SCAPER: variants seen among roughly 807,000 people sequenced by gnomAD.
The protein encoded by SCAPER is S phase cyclin A-associated protein in the endoplasmic reticulum.
In SCAPER, 98 loss-of-function variants were observed where a neutral mutation model predicts 182.2. The observed-to-expected ratio is 0.54, with a 90% confidence interval of 0.46 to 0.64. The LOEUF is 0.64. SCAPER is among the 30% of genes least tolerant of loss of function. SCAPER has a pLI of 0.00. For synonymous variants in SCAPER, 605 were observed against 564.6 expected (o/e 1.07, Z -1.01); for missense variants, 1,432 against 1,690.0 (o/e 0.85, Z 2.68).
At chr15:76,863,420 T>C (rs1022415845) in intron 2 of SCAPER, among the ~76,000 whole-genome samples, 3 of 152,182 alleles carry the variant, frequency 2.0e-5, no homozygotes, top group East Asian at 1.9e-4. Context: ...TGCCCTCCTA[T>C]AGTTCTTGCC....
intron 29 of SCAPER, among the ~76,000 whole-genome samples, chr15:76,371,887 C>T (rs976346291): frequency 6.6e-6 from 1 of 151,676 alleles, no homozygotes; most frequent in Non-Finnish European, 1.5e-5. Flanking sequence ...CACTGCACTC[C>T]AGCCTGGGCA....
At chr15:76,434,002 T>C (rs1596595420) in intron 26 of SCAPER, 76 bp downstream of exon 26, 3 of 1,231,138 alleles carry the variant, frequency 2.4e-6, no homozygotes, top group Middle Eastern at 2.5e-4. Context: ...TGCCATCACA[T>C]GGGCCTTGAG....
rs1441530465 is a variant in SCAPER, at chr15:76,781,889, A to C, written c.773-6772T>G. Among the ~76,000 whole-genome samples the C allele has an allele frequency of 3.3e-5, 5 of 152,290 alleles. No homozygotes were observed. The South Asian group carries it at 8.3e-4, about 25-fold the overall frequency. ...GCCCTAAAAGAGCTCCTGAAGGAAG[A>C]ACTAAACATGGAAAAGAACAACCAG... On this transcript the variant is annotated intron_variant, in intron 8 of 31. Coordinates refer to ENST00000563290, the MANE Select transcript of SCAPER (RefSeq NM_020843.4).
At chr15:76,872,480 T>A (rs144894897) in intron 2 of SCAPER, among the ~76,000 whole-genome samples, 99 of 151,652 alleles carry the variant, frequency 6.5e-4, no homozygotes, top group African/African-American at 2.2e-3. Flanking sequence ...TTCAAAGGGG[T>A]GACAAAAAAA....
intron 1 of SCAPER, among the ~76,000 whole-genome samples, chr15:76,895,503 A>C (rs1280805646): frequency 9.0e-5 from 1 of 11,114 alleles, no homozygotes; most frequent in Non-Finnish European, 6.9e-4. Context: ...TTTTTTCTTG[A>C]CTAAGAAAAA....
rs76057589 is a variant in SCAPER, at chr15:76,470,887, C to T, written c.3078+325G>A. On this transcript the variant is annotated intron_variant, in intron 25 of 31. Transcript: ENST00000563290. ...ATTCTTCCTTTCTACAGTACTAATT[C>T]CTGTGGCTTTAGAGGTTTGCCTTTG... is the stretch of plus-strand genomic sequence containing the variant. 2.7e-3 allele frequency among the ~76,000 whole-genome samples: 414 copies of T among 152,238 alleles called. 1 individual carries two copies. Among genetic ancestry groups the T allele is most frequent in the Middle Eastern group, 6.8e-3 (2 of 294 alleles).
intron 17 of SCAPER, among the ~76,000 whole-genome samples, chr15:76,715,428 C>T (rs373751969): frequency 2.6e-5 from 4 of 152,088 alleles, no homozygotes; most frequent in African/African-American, 9.7e-5. Context: ...GCCAAAGAGA[C>T]ACAGTGCCCC....
chr15:76,504,813 G>A, intron 24 of SCAPER, 46 bp downstream of exon 24: 1 of 1,461,438 alleles, frequency 6.8e-7, no homozygotes, highest in Middle Eastern at 1.8e-4. Flanking sequence ...GGGCAGAAAT[G>A]ACTCACAAAT....
At chr15:76,385,365 C>T (rs2043226061) in intron 27 of SCAPER, 2 of 152,224 alleles carry the variant, frequency 1.3e-5, no homozygotes, top group South Asian at 2.1e-4. Context: ...AGATTTCCAG[C>T]TTGGTAACAT....
At position 76,771,917 on chromosome 15, in the gene SCAPER, C is replaced by A; in HGVS notation, c.1073G>T (p.Gly358Val). 1 of 1,611,884 alleles carries A rather than the reference C, an allele frequency of 6.2e-7. No individual in the cohort carries two copies. The highest frequency in any genetic ancestry group is 8.5e-7 in the Non-Finnish European group (1 of 1,179,130). Residue 358 changes from glycine to valine, a missense_variant, in exon 10 of 32, where the codon GGC becomes GTC. This residue lies in a region of SCAPER where 480 missense variants were observed against 510.2 expected (regional missense o/e 0.94). Coordinates refer to ENST00000563290, the MANE Select transcript of SCAPER (RefSeq NM_020843.4). ...VSTLDDVKNS[G>V]SIRDNYVRTS... ...TCGAACATAATTGTCTCGAATACTGCCAGAATTCTTCACATCATCCAATGT... is the reference window on the plus strand; with the variant it reads ...TCGAACATAATTGTCTCGAATACTGACAGAATTCTTCACATCATCCAATGT...
intron 3 of SCAPER, 70 bp from the exon 4 acceptor site, chr15:76,857,949 T>A: frequency 1.9e-6 from 2 of 1,073,032 alleles, no homozygotes; most frequent in Non-Finnish European, 2.7e-6. Flanking sequence ...GAACTACAGG[T>A]AATTAGATAA....
chr15:76,398,474 A>G (rs1449071810), intron 27 of SCAPER, among the ~76,000 whole-genome samples: 1 of 152,230 alleles, frequency 6.6e-6, no homozygotes, highest in African/African-American at 2.4e-5. Context: ...GGCACAGAGC[A>G]AGTGCTACAT....
chr15:76,897,867 G>A (rs1364059229), intron 1 of SCAPER, among the ~76,000 whole-genome samples: 1 of 152,000 alleles, frequency 6.6e-6, no homozygotes, highest in African/African-American at 2.4e-5. Flanking sequence ...TAAGATGCAT[G>A]ACCTTTTTTT....
chr15:76,655,217 TACAGGCAAAAAA>T (rs1375231027), intron 21 of SCAPER, among the ~76,000 whole-genome samples: 1 of 152,126 alleles, frequency 6.6e-6, no homozygotes, highest in Non-Finnish European at 1.5e-5. Flanking sequence ...ACTGATCTGA[TACAGGCAAAAAA>T]CTCACTTTGA....
At chr15:76,846,487 T>C (rs2070102657) in intron 4 of SCAPER, among the ~76,000 whole-genome samples, 1 of 151,908 alleles carries the variant, frequency 6.6e-6, no homozygotes, top group African/African-American at 2.4e-5. Context: ...TATAAGGAGC[T>C]AAAACAACTC....
chr15:76,690,274 T>C (rs2058281630), intron 20 of SCAPER, among the ~76,000 whole-genome samples: 1 of 152,062 alleles, frequency 6.6e-6, no homozygotes, highest in Admixed American at 6.6e-5. Flanking sequence ...TCTATAAATA[T>C]ACTTCAAGTC....
chr15:76,873,399 G>A (rs1011384428), intron 2 of SCAPER, among the ~76,000 whole-genome samples: 4 of 147,632 alleles, frequency 2.7e-5, no homozygotes, highest in Non-Finnish European at 5.9e-5. Context: ...TCTCTAGGGT[G>A]CCCACTAAAA....
At chr15:76,562,090 G>A (rs2046677637) in intron 23 of SCAPER, among the ~76,000 whole-genome samples, 1 of 138,206 alleles carries the variant, frequency 7.2e-6, no homozygotes, top group South Asian at 2.3e-4. Flanking sequence ...AGAGGTTGCA[G>A]TGAGCTAAGA....
At chr15:76,646,675 T>A (rs2054574057) in intron 21 of SCAPER, among the ~76,000 whole-genome samples, 1 of 152,232 alleles carries the variant, frequency 6.6e-6, no homozygotes, top group South Asian at 2.1e-4. Flanking sequence ...AAGTTCTGAC[T>A]CACAGCGACT....
Sources: allele counts gnomAD v4.1 joint callset (sites outside exome capture counted in the v4.1 genomes callset), GRCh38; gene constraint gnomAD v4.1.1; regional missense constraint gnomAD v4.1.1; transcripts MANE v1.5; gene names NCBI Gene and HGNC (gene_info 2026-07-23, HGNC 2026-07-21).